The following FUT8 variants were observed in gnomAD, a reference collection of about 807,000 sequenced individuals.
The protein encoded by FUT8 is fucosyltransferase 8, also known as alpha-(1,6)-fucosyltransferase.
FUT8 carries 29 observed loss-of-function variants against 71.3 expected under a neutral mutation model. The ratio of observed to expected loss-of-function variants is 0.41; its 90% CI spans 0.30 to 0.55. The LOEUF is 0.55. Among genes scored for constraint, FUT8 ranks in the 20% least tolerant of loss-of-function variants. The pLI, the probability that FUT8 is intolerant of heterozygous loss-of-function variation, is 0.34. For synonymous variants in FUT8, 254 were observed against 239.3 expected, an observed-to-expected ratio of 1.06 and a Z score of -0.57; for missense variants, 544 against 702.1, an observed-to-expected ratio of 0.77 and a Z score of 2.55.
upstream of FUT8, among the ~76,000 whole-genome samples, chr14:65,405,724 G>A (rs565864501): frequency 3.1e-4 from 47 of 152,218 alleles, no homozygotes; most frequent in Non-Finnish European, 5.9e-4. Context: ...GAGAATTCCA[G>A]TATAAGGATA....
intron 6 of FUT8, among the ~76,000 whole-genome samples, chr14:65,639,587 T>G (rs932913758): frequency 4.9e-4 from 74 of 152,096 alleles, no homozygotes; most frequent in African/African-American, 1.7e-3. Flanking sequence ...ATATTTCTGA[T>G]ACTTTTTTTG....
chr14:65,527,081 C>G (rs1347307121), intron 2 of FUT8, among the ~76,000 whole-genome samples: 5 of 152,108 alleles, frequency 3.3e-5, no homozygotes, highest in South Asian at 2.1e-4. Context: ...GTGGCGTTCT[C>G]TGTATTTCCT....
At chr14:65,641,058 T>G (rs1471776195) in intron 6 of FUT8, among the ~76,000 whole-genome samples, 1 of 152,160 alleles carries the variant, frequency 6.6e-6, no homozygotes, top group African/African-American at 2.4e-5. Context: ...ATTTAGAGTA[T>G]ACAATTTGTT....
At chr14:65,498,606 A>G (rs911174565) in intron 2 of FUT8, among the ~76,000 whole-genome samples, 1 of 152,190 alleles carries the variant, frequency 6.6e-6, no homozygotes, top group Non-Finnish European at 1.5e-5. Context: ...TTTAAACTCA[A>G]TCTATCTGCC....
chr14:65,715,553 T>C (rs541665624), intron 7 of FUT8, among the ~76,000 whole-genome samples: 3 of 152,238 alleles, frequency 2.0e-5, no homozygotes, highest in Admixed American at 6.5e-5. Context: ...CATTAGGTCA[T>C]TTATTTGAAG....
intron 9 of FUT8, among the ~76,000 whole-genome samples, chr14:65,727,165 G>C (rs916497309): frequency 3.9e-5 from 6 of 152,166 alleles, no homozygotes; most frequent in Non-Finnish European, 5.9e-5. Context: ...GGTGCAAGCT[G>C]TTGGTGGATG....
intron 2 of FUT8, among the ~76,000 whole-genome samples, chr14:65,558,711 C>G (rs773009251): frequency 5.3e-5 from 8 of 152,110 alleles, no homozygotes; most frequent in Non-Finnish European, 8.8e-5. Context: ...GGAAAAAATT[C>G]TGTACTTGTT....
chr14:65,721,742 T>A (rs777622615), intron 7 of FUT8, 33 bp from the exon 8 acceptor site: 1 of 1,609,530 alleles, frequency 6.2e-7, no homozygotes. Context: ...AGGAATACCA[T>A]GTGGTAATGA....
intron 10 of FUT8, among the ~76,000 whole-genome samples, chr14:65,738,437 A>C (rs1896332382): frequency 6.6e-6 from 1 of 152,086 alleles, no homozygotes; most frequent in Non-Finnish European, 1.5e-5. Flanking sequence ...TTTTTAATAC[A>C]GTCATATCTG....
At chr14:65,513,147 G>T (rs370276687) in intron 2 of FUT8, among the ~76,000 whole-genome samples, 10 of 152,118 alleles carry the variant, frequency 6.6e-5, no homozygotes, top group African/African-American at 2.4e-4. Flanking sequence ...CTTGCATCTG[G>T]TTCAAGAGGG....
intron 7 of FUT8, among the ~76,000 whole-genome samples, chr14:65,690,591 A>C (rs773217378): frequency 9.9e-5 from 15 of 151,882 alleles, no homozygotes; most frequent in Non-Finnish European, 1.9e-4. Context: ...TAGAGCTCAT[A>C]ATGTATTTTA....
chr14:65,533,222 AT>A (rs1319205189), intron 2 of FUT8, among the ~76,000 whole-genome samples: 1 of 152,194 alleles, frequency 6.6e-6, no homozygotes, highest in African/African-American at 2.4e-5. Flanking sequence ...ATAGCATTGA[AT>A]TTGTAAATTG....
chr14:65,449,198 T>C (rs867222050), intron 1 of FUT8, among the ~76,000 whole-genome samples: 1 of 152,106 alleles, frequency 6.6e-6, no homozygotes, highest in Non-Finnish European at 1.5e-5. Context: ...GGAAGGGGAG[T>C]AGTGAATAAA....
intron 9 of FUT8, 45 bp downstream of exon 9, chr14:65,724,368 C>A (rs1256632454): frequency 2.5e-6 from 3 of 1,219,852 alleles, no homozygotes; most frequent in Non-Finnish European, 3.4e-6. Context: ...TTGTCTCTTT[C>A]AGTTTAAAAG....
chr14:65,470,890 G>T (rs2066134292), intron 2 of FUT8, among the ~76,000 whole-genome samples: 1 of 152,014 alleles, frequency 6.6e-6, no homozygotes, highest in Non-Finnish European at 1.5e-5. Flanking sequence ...GGGCTGTTGA[G>T]GGAGGGGGTC....
intron 2 of FUT8, among the ~76,000 whole-genome samples, chr14:65,519,334 A>C (rs1046185598): frequency 6.6e-6 from 1 of 152,342 alleles, no homozygotes; most frequent in South Asian, 2.1e-4. Flanking sequence ...CTGACACAGA[A>C]AGATGTTCTA....
chr14:65,588,941 C>T (rs1034099205), intron 3 of FUT8, among the ~76,000 whole-genome samples: 3 of 152,140 alleles, frequency 2.0e-5, no homozygotes, highest in African/African-American at 7.2e-5. Context: ...ACAGTATCCC[C>T]ACAAATAAGA....
chr14:65,674,379 C>A (rs535909089), intron 7 of FUT8, among the ~76,000 whole-genome samples: 1 of 152,134 alleles, frequency 6.6e-6, no homozygotes, highest in Non-Finnish European at 1.5e-5. Context: ...CAGTTTAGCT[C>A]TTTAAAAAAC....
At chr14:65,469,651 G>C (rs2066105852) in intron 2 of FUT8, among the ~76,000 whole-genome samples, 1 of 152,184 alleles carries the variant, frequency 6.6e-6, no homozygotes, top group African/African-American at 2.4e-5. Flanking sequence ...CTATAGGCAG[G>C]TTGTCTCATC....
Sources: gnomAD v4.1 joint callset for allele counts (sites outside exome capture counted in the v4.1 genomes callset) on GRCh38, gnomAD v4.1.1 for gene constraint, MANE v1.5 for transcripts, NCBI Gene and HGNC (gene_info 2026-07-23, HGNC 2026-07-21) for gene names.